NOL10: variants seen among roughly 807,000 people sequenced by gnomAD.
NOL10 encodes H_NH0074G24.1.
NOL10 carries 58 observed loss-of-function variants against 103.5 expected under a neutral mutation model. The observed-to-expected ratio is 0.56, with a 90% CI of 0.45 to 0.70. The LOEUF (loss-of-function observed/expected upper bound fraction) is 0.70. Ranked by LOEUF, NOL10 falls within the 30% of genes least tolerant of loss-of-function variation. NOL10 has a pLI of 0.00. For missense variants in NOL10, 763 were observed against 807.3 expected, an observed-to-expected ratio of 0.95 and a Z score of 0.67; for synonymous variants, 287 against 282.5, an observed-to-expected ratio of 1.02 and a Z score of -0.16.
In NOL10 at chr2:10,663,116, C is replaced by A. The variant is rs569769756; in HGVS notation, c.592-72G>T. 24 of 1,304,640 alleles carry A rather than the reference C, an allele frequency of 1.8e-5. No individual in the cohort carries two copies. The East Asian group carries it at 5.7e-4, about 31-fold the overall frequency. 80.8% of individuals were successfully genotyped at this position (1,304,640 alleles called of 1,614,324 possible). ...GCATGGTGGCTCATGCCTGTAATCC[C>A]AGCACTTTGGGAGGCCGAGGCGGGC... On this transcript the variant is annotated intron_variant, in intron 8 of 20. Transcript: ENST00000381685.
Position 10,662,304 on chromosome 2 carries a change from C to T in NOL10, c.677+655G>A, listed in dbSNP as rs553805508. Among the ~76,000 whole-genome samples, 7 of 152,324 alleles carry T rather than the reference C, an allele frequency of 4.6e-5. No homozygotes were observed. In the East Asian group the frequency reaches 9.6e-4, roughly 21 times the overall value. The stretch of plus-strand genomic sequence containing the variant: ...GCTTTATTTAATCAATATCCTCAGG[C>T]TCTTTCTAAGACTTATTATTAGCAG... On this transcript the variant is annotated intron_variant, in intron 9 of 20. Transcript: ENST00000381685.
At chr2:10,676,288 A>G (rs1008715222) in intron 3 of NOL10, among the ~76,000 whole-genome samples, 13 of 152,208 alleles carry the variant, frequency 8.5e-5, no homozygotes, top group African/African-American at 3.1e-4. Flanking sequence ...CATACTTTCA[A>G]TCTATATTTC....
rs772373432 is a variant in NOL10, at chr2:10,572,110, G to C, written c.2028C>G (p.His676Gln). 1.2e-6 allele frequency: 2 copies of C among 1,613,964 alleles called. No homozygotes were observed. Among genetic ancestry groups the C allele is most frequent in the Non-Finnish European group, 1.7e-6 (2 of 1,179,896 alleles). Reference protein sequence around the residue: ...ERKRLRRSAGHLKSRHKRGRS... With the variant: ...ERKRLRRSAGQLKSRHKRGRS... The stretch of plus-strand genomic sequence containing the variant: ...GTCCTCTTTTGTGTCTTGACTTCAG[G>C]TGTCCGGCCGAACGACGGAGTCTTT... Residue 676 changes from histidine (H) to glutamine (Q), a missense_variant, in exon 21 of 21, where the codon CAC becomes CAG. Transcript: ENST00000381685.
chr2:10,680,107 T>C (rs1214825210), intron 3 of NOL10, among the ~76,000 whole-genome samples: 5 of 151,810 alleles, frequency 3.3e-5, no homozygotes, highest in Non-Finnish European at 5.9e-5. Flanking sequence ...AAACCCTGTC[T>C]CTACTAAAAA....
chr2:10,644,179 C>T, intron 13 of NOL10, 141 bp downstream of exon 13: 1 of 544,792 alleles, frequency 1.8e-6, no homozygotes, highest in Non-Finnish European at 3.2e-6. Context: ...ACCCAGGAGG[C>T]AGAGGTTGCA....
intron 13 of NOL10, among the ~76,000 whole-genome samples, chr2:10,613,978 T>TTA (rs1553301421): frequency 2.7e-4 from 40 of 150,698 alleles, no homozygotes; most frequent in Admixed American, 7.3e-4. Context: ...TTTTTTTTTT[T>TTA]AGAAGGAGTC....
At chr2:10,610,805 A>G (rs1676523651) in intron 13 of NOL10, among the ~76,000 whole-genome samples, 1 of 152,212 alleles carries the variant, frequency 6.6e-6, no homozygotes, top group South Asian at 2.1e-4. Context: ...ATATTAATTT[A>G]CTTTCTAAAT....
At position 10,595,130 on chromosome 2, in the gene NOL10, G is replaced by A. The variant is rs1447898196; in HGVS notation, c.1423-5379C>T. Among the ~76,000 whole-genome samples the A allele has an allele frequency of 3.3e-4, 39 of 116,942 alleles. 2 individuals are homozygous for A. Among genetic ancestry groups the A allele is most frequent in the Admixed American group, 8.2e-5 (1 of 12,236 alleles). The allele number at this position is 116,942 out of a possible 152,430, so 76.7% of individuals were successfully genotyped here. On this transcript the variant is annotated intron_variant, in intron 17 of 20. Transcript: ENST00000381685. Reference sequence around the variant, plus strand: ...AGGTAGGACTACAGGCAAGAGGGAGGGAGGGGGAGGGGGCAGAGAGAGAGA... The same window carrying A: ...AGGTAGGACTACAGGCAAGAGGGAGAGAGGGGGAGGGGGCAGAGAGAGAGA...
At chr2:10,597,514 G>A (rs1406696399) in intron 17 of NOL10, among the ~76,000 whole-genome samples, 2 of 152,054 alleles carry the variant, frequency 1.3e-5, no homozygotes, top group African/African-American at 4.8e-5. Context: ...TTATAATGAA[G>A]GATTCTTTCC....
intron 13 of NOL10, 36 bp from the exon 14 acceptor site, chr2:10,607,347 G>A (rs751016921): frequency 1.3e-6 from 2 of 1,565,468 alleles, no homozygotes; most frequent in Non-Finnish European, 1.7e-6. Context: ...CAAAGGCACA[G>A]TTTACCACGC....
chr2:10,631,720 T>G (rs1175391234), intron 13 of NOL10, among the ~76,000 whole-genome samples: 1 of 149,044 alleles, frequency 6.7e-6, no homozygotes, highest in Non-Finnish European at 1.5e-5. Flanking sequence ...TCTCCCTGTT[T>G]TTTTTTTTTT....
chr2:10,662,865 G>A, intron 9 of NOL10, 94 bp downstream of exon 9: 2 of 944,562 alleles, frequency 2.1e-6, no homozygotes, highest in Non-Finnish European at 3.3e-6. Context: ...TACAATTTCA[G>A]ATATCCTGTA....
At chr2:10,595,068 G>T (rs879295177) in intron 17 of NOL10, among the ~76,000 whole-genome samples, 2 of 139,248 alleles carry the variant, frequency 1.4e-5, no homozygotes, top group South Asian at 5.2e-4. Flanking sequence ...GGAAAGGAAA[G>T]TTATCAAAAG....
intron 6 of NOL10, 30 bp downstream of exon 6, chr2:10,671,523 GA>G: frequency 6.7e-7 from 1 of 1,486,132 alleles, no homozygotes; most frequent in Non-Finnish European, 9.0e-7. Context: ...TTTAGGAGGT[GA>G]AAAGGAGAAA....
At chr2:10,598,586 G>A (rs1675817693) in intron 17 of NOL10, among the ~76,000 whole-genome samples, 1 of 152,180 alleles carries the variant, frequency 6.6e-6, no homozygotes, top group African/African-American at 2.4e-5. Flanking sequence ...AAGTGTCCCA[G>A]TGGAAGTGAC....
Position 10,685,494 on chromosome 2 carries a change from C to T in NOL10, c.67-882G>A, listed in dbSNP as rs867724195. The stretch of plus-strand genomic sequence containing the variant: ...GTGACTGAGAGAGACTCCGTCCCCC[C>T]CCCCCCCCCCCCCGCCAAAAAAAAA... On this transcript the variant is annotated intron_variant, in intron 1 of 20. Coordinates refer to ENST00000381685, the MANE Select transcript of NOL10 (RefSeq NM_024894.4). 2.4e-3 allele frequency among the ~76,000 whole-genome samples: 36 copies of T among 15,248 alleles called. 1 individual carries two copies. Among genetic ancestry groups the T allele is most frequent in the African/African-American group, 6.1e-3 (31 of 5,054 alleles). 10.0% of individuals were successfully genotyped at this position (15,248 alleles called of 152,430 possible).
chr2:10,586,673 C>T (rs1675036397), intron 19 of NOL10, among the ~76,000 whole-genome samples: 1 of 152,130 alleles, frequency 6.6e-6, no homozygotes, highest in Non-Finnish European at 1.5e-5. Flanking sequence ...CCCTCCTCTT[C>T]TTCCTCTTCA....
chr2:10,607,511 A>G (rs1676321073), intron 13 of NOL10, among the ~76,000 whole-genome samples, 200 bp from the exon 14 acceptor site: 1 of 152,200 alleles, frequency 6.6e-6, no homozygotes, highest in African/African-American at 2.4e-5. Context: ...TTAGGCTTGT[A>G]AGAGAAAACA....
intron 17 of NOL10, among the ~76,000 whole-genome samples, chr2:10,596,504 C>T (rs1053652517): frequency 1.3e-5 from 2 of 152,108 alleles, no homozygotes; most frequent in African/African-American, 2.4e-5. Context: ...AACCTAGATC[C>T]CTCGCATGCG....
Sources: gnomAD v4.1 joint callset for allele counts (sites outside exome capture counted in the v4.1 genomes callset) on GRCh38, gnomAD v4.1.1 for gene constraint, MANE v1.5 for transcripts, NCBI Gene and HGNC (gene_info 2026-07-23, HGNC 2026-07-21) for gene names.